MYT1L: variants seen among roughly 807,000 people sequenced by gnomAD.
MYT1L encodes myelin transcription factor 1-like protein.
MYT1L carries 12 observed loss-of-function variants against 126.7 expected under a neutral mutation model. The observed-to-expected ratio is 0.09, with a 90% CI of 0.06 to 0.15. MYT1L has a LOEUF of 0.15. MYT1L is among the 10% of genes least tolerant of loss of function. MYT1L has a pLI of 1.00. For missense variants in MYT1L, 979 were observed against 1,585.2 expected (o/e 0.62, Z 6.49); for synonymous variants, 541 against 604.2 (o/e 0.90, Z 1.53).
chr2:1,926,608 G>T (rs2054262706), intron 9 of MYT1L, among the ~76,000 whole-genome samples: 1 of 152,206 alleles, frequency 6.6e-6, no homozygotes, highest in African/African-American at 2.4e-5. Context: ...TGTCATGCAG[G>T]CTAGAGTGCA....
At chr2:2,050,018 T>C (rs2068648822) in intron 4 of MYT1L, among the ~76,000 whole-genome samples, 1 of 152,108 alleles carries the variant, frequency 6.6e-6, no homozygotes, top group South Asian at 2.1e-4. Context: ...TTTTTGACGA[T>C]GAAATGAGAC....
At chr2:2,026,271 G>A (rs781713737) in intron 4 of MYT1L, among the ~76,000 whole-genome samples, 8 of 152,196 alleles carry the variant, frequency 5.3e-5, no homozygotes. Flanking sequence ...GTGTGCGGGG[G>A]ACGTGGGTGA....
chr2:1,805,096 G>A (rs973030558), intron 22 of MYT1L, among the ~76,000 whole-genome samples: 1 of 152,312 alleles, frequency 6.6e-6, no homozygotes, highest in South Asian at 2.1e-4. Context: ...GCAGAGCTGA[G>A]TACTAATGCG....
At chr2:2,004,016 T>C (rs966655764) in intron 4 of MYT1L, among the ~76,000 whole-genome samples, 1 of 151,608 alleles carries the variant, frequency 6.6e-6, no homozygotes, top group East Asian at 1.9e-4. Context: ...CCTTCTTTCC[T>C]GCATGCCTTC....
intron 18 of MYT1L, among the ~76,000 whole-genome samples, chr2:1,879,957 T>C (rs2047335483): frequency 6.6e-6 from 1 of 152,252 alleles, no homozygotes; most frequent in Admixed American, 6.5e-5. Context: ...AAGAAACATT[T>C]CATTAAAAAT....
chr2:1,842,983 C>T (rs2042009846), intron 19 of MYT1L: 1 of 150,966 alleles, frequency 6.6e-6, no homozygotes, highest in African/African-American at 2.5e-5. Context: ...AGTACCGGCC[C>T]CCGGGCTGGG....
At chr2:1,821,771 G>A (rs1396587492) in intron 21 of MYT1L, among the ~76,000 whole-genome samples, 2 of 152,198 alleles carry the variant, frequency 1.3e-5, no homozygotes, top group African/African-American at 2.4e-5. Flanking sequence ...AGAAGGCAGA[G>A]GAGCAGGAGG....
intron 1 of MYT1L, among the ~76,000 whole-genome samples, chr2:2,285,233 C>T (rs1295704342): frequency 1.3e-5 from 2 of 152,128 alleles, no homozygotes; most frequent in Non-Finnish European, 2.9e-5. Context: ...GGGAGTGCAT[C>T]GTGAATTGCA....
chr2:1,792,081 GTATCA>G, intron 24 of MYT1L, 74 bp from the exon 25 acceptor site: 2 of 1,297,386 alleles, frequency 1.5e-6, no homozygotes, highest in Non-Finnish European at 2.1e-6. Flanking sequence ...GCATAAAATA[GTATCA>G]TAGCATAGTG....
chr2:2,026,612 C>T (rs1237091165), intron 4 of MYT1L, among the ~76,000 whole-genome samples: 5 of 152,194 alleles, frequency 3.3e-5, no homozygotes, highest in Non-Finnish European at 5.9e-5. Flanking sequence ...ACAGGAAATG[C>T]CCGTGGTGGA....
intron 3 of MYT1L, among the ~76,000 whole-genome samples, chr2:2,149,086 C>T (rs1186470704): frequency 6.6e-6 from 1 of 152,042 alleles, no homozygotes; most frequent in Non-Finnish European, 1.5e-5. Context: ...TTTATTCTCC[C>T]TTCTCTTTCT....
chr2:2,083,907 A>G (rs2076095279), intron 3 of MYT1L, among the ~76,000 whole-genome samples: 1 of 150,452 alleles, frequency 6.6e-6, no homozygotes, highest in Non-Finnish European at 1.5e-5. Context: ...GACTTTCTAT[A>G]CTCATTTTAG....
At chr2:2,227,933 T>C (rs2094056001) in intron 2 of MYT1L, among the ~76,000 whole-genome samples, 1 of 152,226 alleles carries the variant, frequency 6.6e-6, no homozygotes, top group Non-Finnish European at 1.5e-5. Context: ...GATTTACATA[T>C]TAGCTTGTTC....
chr2:2,200,449 A>G (rs2093014465), intron 2 of MYT1L, among the ~76,000 whole-genome samples: 1 of 151,982 alleles, frequency 6.6e-6, no homozygotes. Context: ...CCTTCCACAC[A>G]TCACCTGAAC....
intron 2 of MYT1L, among the ~76,000 whole-genome samples, chr2:2,203,967 A>C (rs2093198703): frequency 6.6e-6 from 1 of 152,200 alleles, no homozygotes; most frequent in Non-Finnish European, 1.5e-5. Flanking sequence ...CATATCTACA[A>C]CTATCTGATC....
chr2:1,912,308 G>T lies in MYT1L; in HGVS notation c.1619-198C>A, dbSNP rs2052138084. On this transcript the variant is annotated intron_variant, in intron 11 of 24. Transcript: ENST00000647738. This position sits in a 1 kb window ranked among gnomAD's most constrained non-coding sequence, Gnocchi z 4.3. ...GGACCCTACGGACCCTACACGAAAG[G>T]CCAGAGAAAGAAGGTTGACTGGACC... 6.6e-6 allele frequency among the ~76,000 whole-genome samples: 1 copy of T among 152,160 alleles called. No individual in the cohort carries two copies. The highest frequency in any genetic ancestry group is 6.5e-5 in the Admixed American group (1 of 15,276).
At chr2:1,869,488 C>T (rs1204523275) in intron 18 of MYT1L, among the ~76,000 whole-genome samples, 1 of 152,120 alleles carries the variant, frequency 6.6e-6, no homozygotes, top group Non-Finnish European at 1.5e-5. Flanking sequence ...TGCATGTGGT[C>T]GGTGTAACAG....
intron 3 of MYT1L, among the ~76,000 whole-genome samples, chr2:2,170,479 C>G (rs1373800872): frequency 6.6e-6 from 1 of 152,208 alleles, no homozygotes; most frequent in Non-Finnish European, 1.5e-5. Context: ...GGAGACCACT[C>G]CCTCCACAAA....
chr2:1,903,324 C>A, intron 13 of MYT1L, 30 bp from the exon 14 acceptor site: 1 of 1,565,708 alleles, frequency 6.4e-7, no homozygotes, highest in Non-Finnish European at 8.7e-7. Context: ...CAAACAACAG[C>A]TTGCTTTCCT....
Sources: gnomAD v4.1 joint callset for allele counts (sites outside exome capture counted in the v4.1 genomes callset) on GRCh38, gnomAD v4.1.1 for gene constraint, Gnocchi (gnomAD v3.1) non-coding constraint, MANE v1.5 for transcripts, NCBI Gene and HGNC (gene_info 2026-07-23, HGNC 2026-07-21) for gene names.